TPD52L1: variants seen among roughly 807,000 people sequenced by gnomAD.
TPD52L1 encodes TPD52 like 1.
Under a neutral mutation model 28.7 loss-of-function variants are expected in TPD52L1, and 18 were observed. The ratio of observed to expected loss-of-function variants is 0.63; its 90% confidence interval spans 0.43 to 0.93. The LOEUF is 0.93. Among genes scored for constraint, TPD52L1 ranks in the 40% least tolerant of loss-of-function variants. The pLI is 0.00. For synonymous variants in TPD52L1, 75 were observed against 88.8 expected, an observed-to-expected ratio of 0.84 and a Z score of 0.88; for missense variants, 203 against 254.8, an observed-to-expected ratio of 0.80 and a Z score of 1.39.
intron 1 of TPD52L1, among the ~76,000 whole-genome samples, chr6:125,173,262 G>A (rs893382564): frequency 6.6e-6 from 1 of 152,170 alleles, no homozygotes; most frequent in Non-Finnish European, 1.5e-5. Context: ...TTACAAGGCT[G>A]TTTCTGGCTC....
chr6:125,155,390 TAGTG>T (rs1382255864), intron 1 of TPD52L1, among the ~76,000 whole-genome samples: 5 of 152,220 alleles, frequency 3.3e-5, no homozygotes, highest in Non-Finnish European at 5.9e-5. Context: ...AAGCTTATAT[TAGTG>T]AGGATGGAGA....
chr6:125,245,138 A>G lies in TPD52L1; in HGVS notation c.285-3144A>G, dbSNP rs1796852467. Among the ~76,000 whole-genome samples, 9 of 152,324 alleles carry G rather than the reference A, an allele frequency of 5.9e-5. No individual in the cohort carries two copies. In the South Asian group the frequency reaches 1.9e-3, roughly 32 times the overall value. ...TCTGGTGGAGGTGGCAGGGGAGTGA[A>G]GTAGACTCTATGAGAATCCTTGGGT... is the stretch of plus-strand genomic sequence containing the variant. On this transcript the variant is annotated intron_variant, in intron 3 of 6. Transcript: ENST00000534000.
At chr6:125,215,226 C>T (rs73577777) in intron 1 of TPD52L1, among the ~76,000 whole-genome samples, 2,394 of 152,148 alleles carry the variant, frequency 0.016, 21 homozygotes, top group African/African-American at 0.028. Flanking sequence ...TGGTATCTTT[C>T]ACCATTTGCT....
intron 1 of TPD52L1, 119 bp downstream of exon 1, chr6:125,154,089 A>C: frequency 6.9e-7 from 1 of 1,446,148 alleles, no homozygotes; most frequent in South Asian, 1.3e-5. Flanking sequence ...GCACATCCAG[A>C]ACTCCACTCC....
intron 1 of TPD52L1, among the ~76,000 whole-genome samples, chr6:125,177,592 T>C (rs893178743): frequency 9.2e-5 from 14 of 152,326 alleles, no homozygotes; most frequent in Admixed American, 8.5e-4. Flanking sequence ...TGTGATCCTT[T>C]CTCTGTATTA....
chr6:125,182,577 C>CCCA (rs1792278756), intron 1 of TPD52L1, among the ~76,000 whole-genome samples: 2 of 152,030 alleles, frequency 1.3e-5, no homozygotes, highest in Admixed American at 1.3e-4. Context: ...GTGGCCTTTG[C>CCCA]TTCTGGAGTA....
intron 6 of TPD52L1, chr6:125,261,899 C>T (rs961885171): frequency 1.4e-4 from 21 of 152,080 alleles, no homozygotes; most frequent in African/African-American, 4.8e-4. Context: ...TTCCATTTCA[C>T]GCTGCTGTGA....
intron 3 of TPD52L1, among the ~76,000 whole-genome samples, chr6:125,246,290 T>C (rs9321027): frequency 0.16 from 24,127 of 152,104 alleles, 2,403 homozygotes; most frequent in East Asian, 0.31. Flanking sequence ...TTCTCTCCTC[T>C]CGCACTCTAG....
intron 1 of TPD52L1, chr6:125,203,776 C>G: frequency 1.0e-6 from 1 of 985,444 alleles, no homozygotes; most frequent in Non-Finnish European, 1.2e-6. Flanking sequence ...ACCACCCCAT[C>G]TGTAAGGAAC....
At chr6:125,260,938 A>C (rs569746033) in intron 6 of TPD52L1, 1 of 7,960 alleles carries the variant, frequency 1.3e-4, no homozygotes, top group East Asian at 7.9e-3. Context: ...GAAAGAAAGA[A>C]AGAAAGAAAG....
Position 125,248,432 on chromosome 6 carries a change from G to A in TPD52L1, c.386+49G>A, listed in dbSNP as rs78295056. 1.1e-3 allele frequency: 1,530 copies of A among 1,401,322 alleles called. 21 individuals are homozygous for A. The African/African-American group carries it at 0.019, about 17-fold the overall frequency. The allele number at this position is 1,401,322 out of a possible 1,614,324, so 86.8% of individuals were successfully genotyped here. On this transcript the variant is annotated intron_variant, in intron 4 of 6. Transcript: ENST00000534000. ...AACGGCGCTAAGCCCTTGGCTTTCC[G>A]ATTGAAGGGAGCACTAGCTATTAGC...
chr6:125,173,383 G>A (rs1035796107), intron 1 of TPD52L1, among the ~76,000 whole-genome samples: 1 of 152,170 alleles, frequency 6.6e-6, no homozygotes, highest in Non-Finnish European at 1.5e-5. Context: ...TTTTGTCTGG[G>A]TAATTGTTTT....
chr6:125,231,055 G>C (rs1394671736), intron 3 of TPD52L1, among the ~76,000 whole-genome samples: 1 of 152,066 alleles, frequency 6.6e-6, no homozygotes, highest in Admixed American at 6.6e-5. Flanking sequence ...TTCCACTTTC[G>C]TGGCCAATAC....
chr6:125,188,647 C>A (rs1476532715), intron 1 of TPD52L1, among the ~76,000 whole-genome samples: 1 of 152,154 alleles, frequency 6.6e-6, no homozygotes, highest in Non-Finnish European at 1.5e-5. Context: ...CTACTCTCTT[C>A]TAGTCTACTT....
intron 5 of TPD52L1, 94 bp from the exon 6 acceptor site, chr6:125,257,004 G>A (rs1797646249): frequency 9.3e-7 from 1 of 1,080,552 alleles, no homozygotes; most frequent in Non-Finnish European, 1.3e-6. Context: ...CTGTGGCAGA[G>A]GCCGTGTTTA....
chr6:125,250,005 T>C (rs546516308), intron 4 of TPD52L1, among the ~76,000 whole-genome samples: 1 of 152,272 alleles, frequency 6.6e-6, no homozygotes, highest in East Asian at 1.9e-4. Flanking sequence ...CCTAATTTTA[T>C]TACAAATAAA....
At chr6:125,206,278 G>C (rs1400293793) in intron 1 of TPD52L1, among the ~76,000 whole-genome samples, 1 of 152,002 alleles carries the variant, frequency 6.6e-6, no homozygotes, top group East Asian at 1.9e-4. Context: ...CATAACTATA[G>C]TAATAGGTAA....
At chr6:125,172,482 T>C (rs1489964465) in intron 1 of TPD52L1, among the ~76,000 whole-genome samples, 1 of 118,446 alleles carries the variant, frequency 8.4e-6, no homozygotes, top group Admixed American at 9.6e-5. Context: ...GTGTGTGTTT[T>C]TTTTTTAGCA....
intron 1 of TPD52L1, among the ~76,000 whole-genome samples, chr6:125,202,321 AAGATGACTC>A (rs758846279): frequency 1.3e-5 from 2 of 152,224 alleles, no homozygotes; most frequent in Non-Finnish European, 2.9e-5. Flanking sequence ...CTAGCTCTGA[AAGATGACTC>A]AGCACTTTAT....
Sources: allele counts gnomAD v4.1 joint callset (sites outside exome capture counted in the v4.1 genomes callset), GRCh38; gene constraint gnomAD v4.1.1; transcripts MANE v1.5; gene names NCBI Gene and HGNC (gene_info 2026-07-23, HGNC 2026-07-21).